Variants in NAV3 observed in about 807,000 individuals in gnomAD.
NAV3 encodes neuron navigator 3.
NAV3 carries 87 observed loss-of-function variants against 244.7 expected under a neutral mutation model. The observed-to-expected ratio is 0.36, with a 90% CI of 0.30 to 0.42. The LOEUF (loss-of-function observed/expected upper bound fraction) is 0.42, where lower values mean the gene tolerates loss of function less well. Among genes scored for constraint, NAV3 ranks in the 20% least tolerant of loss-of-function variants. NAV3 has a pLI of 1.00. For synonymous variants in NAV3, 1,126 were observed against 1,042.2 expected, an observed-to-expected ratio of 1.08 and a Z score of -1.55; for missense variants, 2,663 against 2,893.3, an observed-to-expected ratio of 0.92 and a Z score of 1.83.
intron 1 of NAV3, among the ~76,000 whole-genome samples, chr12:77,886,576 T>C (rs938831325): frequency 1.3e-5 from 2 of 152,310 alleles, no homozygotes; most frequent in African/African-American, 4.8e-5. Context: ...CAACTCATTG[T>C]TGAACTCATC....
chr12:78,036,925 G>C (rs1313141940), intron 9 of NAV3: 1 of 702,978 alleles, frequency 1.4e-6, no homozygotes, highest in Non-Finnish European at 2.6e-6. Context: ...AAGGGAGCTT[G>C]CCTTCAGAAA....
rs529433021 is a variant in NAV3 at position 77,693,846 on chromosome 12, T to G, written c.72+121580T>G. 8.5e-4 allele frequency among the ~76,000 whole-genome samples: 129 copies of G among 152,258 alleles called. 1 individual carries two copies. The highest frequency in any genetic ancestry group is 1.4e-3 in the Non-Finnish European group (96 of 68,026). ...CCAAACTCAGTTTATTTTCTTTTTT[T>G]TGTGTGCCATTTTTAATGTTCTTCA... On this transcript the variant is annotated intron_variant, in intron 2 of 8. Transcript: ENST00000550042.
At chr12:77,983,183 A>T (rs1451201235) in intron 5 of NAV3, among the ~76,000 whole-genome samples, 2 of 152,226 alleles carry the variant, frequency 1.3e-5, no homozygotes. Flanking sequence ...TACCAGAGGA[A>T]AAATGAGACT....
At chr12:77,640,694 G>A (rs935618821) in intron 2 of NAV3, among the ~76,000 whole-genome samples, 3 of 152,086 alleles carry the variant, frequency 2.0e-5, no homozygotes, top group African/African-American at 7.2e-5. Context: ...GATTTTATGT[G>A]CTCTTATCAC....
At chr12:78,075,285 G>A (rs933496399) in intron 12 of NAV3, among the ~76,000 whole-genome samples, 3 of 152,140 alleles carry the variant, frequency 2.0e-5, no homozygotes, top group East Asian at 1.9e-4. Flanking sequence ...CTAAGCCATC[G>A]GTTGGTTGTG....
intron 2 of NAV3, among the ~76,000 whole-genome samples, chr12:77,620,215 C>T (rs548521852): frequency 1.7e-3 from 253 of 152,270 alleles, no homozygotes; most frequent in African/African-American, 5.6e-3. Context: ...CTTGTCTCCT[C>T]GAGCCTCAGT....
At chr12:78,160,414 T>TGCGTGC (rs1445494619) in intron 23 of NAV3, among the ~76,000 whole-genome samples, 1 of 115,870 alleles carries the variant, frequency 8.6e-6, no homozygotes, top group Non-Finnish European at 1.9e-5. Flanking sequence ...CGTGTGTGTG[T>TGCGTGC]GTGTGTGTGT....
intron 1 of NAV3, among the ~76,000 whole-genome samples, chr12:77,852,519 A>G (rs1877693024): frequency 6.6e-6 from 1 of 152,130 alleles, no homozygotes; most frequent in Admixed American, 6.6e-5. Context: ...AGCCTGGGCA[A>G]CAGAACGAGA....
intron 4 of NAV3, among the ~76,000 whole-genome samples, chr12:77,967,846 A>C (rs1034423409): frequency 6.6e-6 from 1 of 152,152 alleles, no homozygotes; most frequent in Non-Finnish European, 1.5e-5. Flanking sequence ...AATCCTCCTT[A>C]TTTATTAATA....
chr12:78,122,427 A>G lies in NAV3; in HGVS notation c.4237A>G (p.Ser1413Gly), dbSNP rs745798412. The G allele has an allele frequency of 6.3e-7, 1 of 1,590,756 alleles. No individual in the cohort carries two copies. Among genetic ancestry groups the G allele is most frequent in the Non-Finnish European group, 8.5e-7 (1 of 1,171,006 alleles). ...TGSVRSTLSE[S>G]MQLDRNTLPK... is the part of the protein sequence containing the mutation. ...TAGTGTGAGATCTACTCTCTCAGAA[A>G]GGTGAGCTTTCCTGGAGGCATTGAT... Residue 1413 changes from serine (S) to glycine (G), a missense_variant and splice_region_variant, in exon 16 of 40, where the codon AGC (serine) becomes GGC (glycine). Physicochemically the swap from Ser to Gly is moderately conservative, Grantham distance 56 (BLOSUM62 0). This residue lies in a region of NAV3 where 354 missense variants were observed against 413.0 expected (regional missense o/e 0.86). Coordinates refer to ENST00000397909, the MANE Select transcript of NAV3 (RefSeq NM_001024383.2).
rs778799665 is a variant in NAV3 at position 77,968,693 on chromosome 12, T to C, written c.662T>C (p.Met221Thr). ...AGCCAGGCCAAAACCCAGCAAGATA[T>C]GCAGTCCAGGTAAGGAAAGGAAGTA... ...EASQAKTQQD[M>T]QSSLAARYAT... is the part of the protein sequence containing the mutation. Residue 221 changes from methionine (M) to threonine (T), a missense_variant, in exon 5 of 40, where the codon ATG becomes ACG. Met to Thr is a moderately conservative substitution (Grantham distance 81). This residue lies in a region of NAV3 where 1,521 missense variants were observed against 1,497.0 expected (regional missense o/e 1.02). Transcript: ENST00000397909. 4 of 1,613,790 alleles carry C rather than the reference T, an allele frequency of 2.5e-6. No individual in the cohort carries two copies. Among genetic ancestry groups the C allele is most frequent in the Non-Finnish European group, 3.4e-6 (4 of 1,179,834 alleles).
chr12:77,631,647 A>G (rs11106038), intron 2 of NAV3, among the ~76,000 whole-genome samples: 18,103 of 152,130 alleles, frequency 0.12, 1,977 homozygotes, highest in African/African-American at 0.29. Context: ...AATGATAATA[A>G]TATTGACATT....
At chr12:78,045,741 C>T (rs1041928228) in intron 9 of NAV3, among the ~76,000 whole-genome samples, 8 of 152,158 alleles carry the variant, frequency 5.3e-5, no homozygotes, top group Admixed American at 1.3e-4. Flanking sequence ...TGATGCTGGC[C>T]TCATAAAATG....
At chr12:78,008,222 T>G (rs1874584531) in intron 8 of NAV3, among the ~76,000 whole-genome samples, 1 of 151,396 alleles carries the variant, frequency 6.6e-6, no homozygotes, top group Non-Finnish European at 1.5e-5. Context: ...ACTGATTTGT[T>G]TTTTTTTTAC....
chr12:77,719,902 T>G (rs1876533819), intron 2 of NAV3, among the ~76,000 whole-genome samples: 4 of 152,186 alleles, frequency 2.6e-5, no homozygotes, highest in Admixed American at 2.0e-4. Flanking sequence ...AATTCTTCAG[T>G]GAAGCCATCT....
At chr12:77,960,877 A>G (rs1398328257) in intron 3 of NAV3, among the ~76,000 whole-genome samples, 3 of 139,092 alleles carry the variant, frequency 2.2e-5, no homozygotes, top group East Asian at 4.4e-4. Context: ...ATAATAATAT[A>G]TTGATATTTA....
intron 8 of NAV3, among the ~76,000 whole-genome samples, chr12:78,007,746 A>G (rs1373777118): frequency 6.6e-6 from 1 of 152,196 alleles, no homozygotes; most frequent in Admixed American, 6.5e-5. Flanking sequence ...GTGTTTATTC[A>G]TATTATTGCT....
intron 3 of NAV3, among the ~76,000 whole-genome samples, chr12:77,948,977 A>T (rs1053513373): frequency 6.6e-6 from 1 of 152,000 alleles, no homozygotes; most frequent in African/African-American, 2.4e-5. Flanking sequence ...TTTGAAATGT[A>T]GTAGATATGC....
chr12:78,044,278 T>C (rs1881381244), intron 9 of NAV3, among the ~76,000 whole-genome samples: 4 of 152,082 alleles, frequency 2.6e-5, no homozygotes, highest in African/African-American at 9.7e-5. Context: ...CTGTTCTGTT[T>C]CATTGGTCTA....
Sources: allele counts gnomAD v4.1 joint callset (sites outside exome capture counted in the v4.1 genomes callset), GRCh38; gene constraint gnomAD v4.1.1; regional missense constraint gnomAD v4.1.1; transcripts MANE v1.5; gene names NCBI Gene and HGNC (gene_info 2026-07-23, HGNC 2026-07-21).